HMGCLL1: variants seen among roughly 807,000 people sequenced by gnomAD.
HMGCLL1 encodes the protein 3-hydroxy-3-methylglutaryl-CoA lyase like 1, also known as 3-hydroxymethyl-3-methylglutaryl-CoA lyase, cytoplasmic.
A neutral mutation model predicts 39.1 loss-of-function variants in HMGCLL1; 36 were observed. That is an observed-to-expected ratio of 0.92 (90% CI 0.71 to 1.22). The LOEUF is 1.22. Among genes scored for constraint, HMGCLL1 ranks in the 50% most tolerant of loss-of-function variants. HMGCLL1 has a pLI of 0.00. For synonymous variants in HMGCLL1, 149 were observed against 144.0 expected (o/e 1.03, Z -0.25); for missense variants, 451 against 416.5 (o/e 1.08, Z -0.72).
the HMGCLL1 span, among the ~76,000 whole-genome samples, chr6:55,629,962 T>C: frequency 6.6e-6 from 1 of 152,132 alleles, no homozygotes; most frequent in African/African-American, 2.4e-5. Context: ...TAGGGCAGTG[T>C]GGAAGGAAAT....
At chr6:55,573,953 T>G (rs558614992) in intron 1 of HMGCLL1, among the ~76,000 whole-genome samples, 2 of 152,088 alleles carry the variant, frequency 1.3e-5, no homozygotes, top group African/African-American at 2.4e-5. Flanking sequence ...TAAATTATCA[T>G]CAAAGGACCA....
At chr6:55,554,230 T>C (rs1173213017) in intron 1 of HMGCLL1, among the ~76,000 whole-genome samples, 2 of 152,288 alleles carry the variant, frequency 1.3e-5, no homozygotes, top group East Asian at 3.9e-4. Flanking sequence ...CATCATATGC[T>C]TAGAGGCAAG....
intron 1 of HMGCLL1, among the ~76,000 whole-genome samples, chr6:55,570,588 T>C (rs1275651197): frequency 6.6e-6 from 1 of 152,208 alleles, no homozygotes; most frequent in Non-Finnish European, 1.5e-5. Flanking sequence ...TATTTCACCA[T>C]CATTCCCTTC....
intron 7 of HMGCLL1, among the ~76,000 whole-genome samples, chr6:55,478,133 A>G (rs1344913296): frequency 1.3e-4 from 18 of 141,032 alleles, no homozygotes; most frequent in African/African-American, 4.7e-4. Flanking sequence ...TATGAATTTT[A>G]TTTTACACCT....
chr6:55,454,967 A>G (rs1320676894), intron 7 of HMGCLL1, among the ~76,000 whole-genome samples: 1 of 151,478 alleles, frequency 6.6e-6, no homozygotes, highest in Non-Finnish European at 1.5e-5. Context: ...ATTACAGGCC[A>G]GGCACAGTGG....
At chr6:55,650,090 CATATATAT>C in the HMGCLL1 span, among the ~76,000 whole-genome samples, 3,352 of 51,912 alleles carry the variant, frequency 0.065, 219 homozygotes, top group Middle Eastern at 0.18. Context: ...CACACATATA[CATATATAT>C]ATATATATAT....
chr6:55,632,759 G>A, the HMGCLL1 span, among the ~76,000 whole-genome samples: 1 of 152,010 alleles, frequency 6.6e-6, no homozygotes, highest in Non-Finnish European at 1.5e-5. Flanking sequence ...TGCATTAAAG[G>A]TTACCATGCC....
At chr6:55,527,918 A>C (rs1015529862) in intron 3 of HMGCLL1, among the ~76,000 whole-genome samples, 1 of 152,030 alleles carries the variant, frequency 6.6e-6, no homozygotes, top group Admixed American at 6.6e-5. Context: ...TTATTGGTAC[A>C]TCCATAAGAT....
At chr6:55,448,274 T>G (rs1763939707) in intron 7 of HMGCLL1, among the ~76,000 whole-genome samples, 1 of 151,062 alleles carries the variant, frequency 6.6e-6, no homozygotes, top group Non-Finnish European at 1.5e-5. Flanking sequence ...TAAGATTGGC[T>G]ATCATGAAAT....
In HMGCLL1 at chr6:55,543,295, T is replaced by A; in HGVS notation, c.109-1155A>T. On this transcript the variant is annotated intron_variant, in intron 1 of 8. Transcript: ENST00000274901. Reference sequence around the variant, plus strand: ...TCTATATTATATATAATATATTATATATCATATATGATATATAATATATAA... The same window carrying A: ...TCTATATTATATATAATATATTATAAATCATATATGATATATAATATATAA... Among the ~76,000 whole-genome samples the A allele has an allele frequency of 4.1e-4, 8 of 19,600 alleles. 4 individuals carry two copies. The highest frequency in any genetic ancestry group is 2.4e-3 in the Admixed American group (2 of 846). 12.9% of individuals were successfully genotyped at this position (19,600 alleles called of 152,430 possible).
At chr6:55,569,905 G>A (rs1771391613) in intron 1 of HMGCLL1, among the ~76,000 whole-genome samples, 1 of 152,110 alleles carries the variant, frequency 6.6e-6, no homozygotes, top group African/African-American at 2.4e-5. Flanking sequence ...ATCAAAATGT[G>A]AACAGCCTTA....
At chr6:55,452,114 C>T (rs117403053) in intron 7 of HMGCLL1, among the ~76,000 whole-genome samples, 1 of 152,260 alleles carries the variant, frequency 6.6e-6, no homozygotes, top group East Asian at 1.9e-4. Flanking sequence ...AAACTGAAGA[C>T]ACAGCACTGC....
At chr6:55,645,766 A>T in the HMGCLL1 span, among the ~76,000 whole-genome samples, 1 of 151,884 alleles carries the variant, frequency 6.6e-6, no homozygotes, top group Admixed American at 6.6e-5. Context: ...AATGAAAAAG[A>T]TCTTTTTAGT....
chr6:55,583,853 C>G (rs929450025), upstream of HMGCLL1, among the ~76,000 whole-genome samples: 2 of 152,194 alleles, frequency 1.3e-5, no homozygotes, highest in Admixed American at 1.3e-4. Context: ...AGTCTCATAA[C>G]GATATAATAA....
chr6:55,476,723 A>G (rs1366006361), intron 7 of HMGCLL1, among the ~76,000 whole-genome samples: 1 of 151,694 alleles, frequency 6.6e-6, no homozygotes, highest in East Asian at 1.9e-4. Flanking sequence ...AACTTGGTTG[A>G]AATGGATTAG....
At chr6:55,573,811 C>A (rs181130768) in intron 1 of HMGCLL1, among the ~76,000 whole-genome samples, 1 of 152,120 alleles carries the variant, frequency 6.6e-6, no homozygotes, top group East Asian at 1.9e-4. Flanking sequence ...AAATATGAAA[C>A]CCAACAAACA....
intron 7 of HMGCLL1, among the ~76,000 whole-genome samples, chr6:55,443,165 A>G (rs1178880238): frequency 6.6e-6 from 1 of 152,044 alleles, no homozygotes; most frequent in Non-Finnish European, 1.5e-5. Flanking sequence ...TATCTATCTC[A>G]CCCTTTATCA....
At chr6:55,511,345 C>T (rs927498158) in intron 5 of HMGCLL1, among the ~76,000 whole-genome samples, 5 of 152,048 alleles carry the variant, frequency 3.3e-5, no homozygotes, top group Middle Eastern at 3.4e-3. Flanking sequence ...GTGTCCCAGA[C>T]GTTATGTACA....
the HMGCLL1 span, among the ~76,000 whole-genome samples, chr6:55,635,325 G>A: frequency 3.3e-5 from 5 of 151,984 alleles, no homozygotes; most frequent in African/African-American, 7.2e-5. Context: ...AACATCCATC[G>A]GGTCAAGCCC....
Sources: gnomAD v4.1 joint callset for allele counts (sites outside exome capture counted in the v4.1 genomes callset) on GRCh38, gnomAD v4.1.1 for gene constraint, MANE v1.5 for transcripts, NCBI Gene and HGNC (gene_info 2026-07-23, HGNC 2026-07-21) for gene names.